Variants in NRF1 observed in about 807,000 individuals in gnomAD.
The protein encoded by NRF1 is alpha palindromic-binding protein.
A neutral mutation model predicts 58.5 loss-of-function variants in NRF1; 5 were observed. The observed-to-expected ratio is 0.09, with a 90% CI of 0.04 to 0.18. The LOEUF (loss-of-function observed/expected upper bound fraction) is 0.18. Among genes scored for constraint, NRF1 ranks in the 10% least tolerant of loss-of-function variants. The pLI, the probability that NRF1 is intolerant of heterozygous loss-of-function variation, is 1.00. For synonymous variants in NRF1, 224 were observed against 246.7 expected (o/e 0.91, Z 0.86); for missense variants, 288 against 657.7 (o/e 0.44, Z 6.15).
intron 3 of NRF1, among the ~76,000 whole-genome samples, chr7:129,671,927 G>A (rs1802057064): frequency 6.6e-6 from 1 of 152,124 alleles, no homozygotes; most frequent in Admixed American, 6.6e-5. Flanking sequence ...GTGGAGTAAG[G>A]AAAATAGAAA....
At chr7:129,646,102 C>T (rs1258236816) in intron 1 of NRF1, among the ~76,000 whole-genome samples, 1 of 152,122 alleles carries the variant, frequency 6.6e-6, no homozygotes, top group African/African-American at 2.4e-5. Flanking sequence ...CACCTGCCTC[C>T]CAAGGTGTTA....
intron 3 of NRF1, among the ~76,000 whole-genome samples, chr7:129,676,579 G>T (rs1802184452): frequency 6.6e-6 from 1 of 152,150 alleles, no homozygotes; most frequent in Non-Finnish European, 1.5e-5. Flanking sequence ...ATCTTTTGTG[G>T]GCACTGTCGT....
At chr7:129,711,430 G>A in intron 7 of NRF1, 45 bp from the exon 8 acceptor site, 2 of 1,431,252 alleles carry the variant, frequency 1.4e-6, no homozygotes, top group Admixed American at 1.9e-5. Context: ...AGAGGTGGAA[G>A]GATCCATCCA....
intron 1 of NRF1, among the ~76,000 whole-genome samples, chr7:129,635,580 G>A (rs1801152646): frequency 6.6e-6 from 1 of 152,186 alleles, no homozygotes; most frequent in Non-Finnish European, 1.5e-5. Flanking sequence ...CTTATCTGGG[G>A]TATGTATCCA....
At chr7:129,648,348 C>T (rs373468686) in intron 1 of NRF1, among the ~76,000 whole-genome samples, 1 of 144,642 alleles carries the variant, frequency 6.9e-6, no homozygotes, top group Non-Finnish European at 1.5e-5. Flanking sequence ...GGCACAATCT[C>T]GGCTCACTGC....
chr7:129,700,794 T>G (rs1461865226), intron 5 of NRF1, among the ~76,000 whole-genome samples: 1 of 152,128 alleles, frequency 6.6e-6, no homozygotes, highest in Non-Finnish European at 1.5e-5. Context: ...GGTGCATCCA[T>G]AGTCCCACCT....
chr7:129,666,590 G>A (rs1278025137), intron 2 of NRF1, among the ~76,000 whole-genome samples: 1 of 152,152 alleles, frequency 6.6e-6, no homozygotes, highest in Admixed American at 6.5e-5. Context: ...GGAGTGCAGT[G>A]GCACGATCTC....
chr7:129,709,600 A>G (rs1282616635), intron 6 of NRF1, among the ~76,000 whole-genome samples: 2 of 152,210 alleles, frequency 1.3e-5, no homozygotes, highest in Non-Finnish European at 2.9e-5. Context: ...AAATGTAAAT[A>G]TGGAATTAGA....
chr7:129,729,331 C>T (rs1329484688), intron 10 of NRF1, among the ~76,000 whole-genome samples: 1 of 152,170 alleles, frequency 6.6e-6, no homozygotes, highest in Non-Finnish European at 1.5e-5. Context: ...CTGGAAGCTG[C>T]CTCTTTTCAG....
chr7:129,630,782 A>G (rs1801030787), intron 1 of NRF1, among the ~76,000 whole-genome samples: 1 of 152,146 alleles, frequency 6.6e-6, no homozygotes, highest in Non-Finnish European at 1.5e-5. Context: ...TTAAAGTGTA[A>G]AATTGGGTGA....
chr7:129,667,950 A>G (rs1314080859), intron 2 of NRF1, among the ~76,000 whole-genome samples: 1 of 151,916 alleles, frequency 6.6e-6, no homozygotes, highest in Non-Finnish European at 1.5e-5. Flanking sequence ...TTTTTTGTAG[A>G]TACGGAGTCT....
At chr7:129,653,856 C>T (rs1030222486) in intron 1 of NRF1, among the ~76,000 whole-genome samples, 2 of 152,104 alleles carry the variant, frequency 1.3e-5, no homozygotes, top group Admixed American at 1.3e-4. Context: ...CTGGATGTAC[C>T]ACAGTTTATC....
intron 10 of NRF1, 71 bp downstream of exon 10, chr7:129,727,436 A>G: frequency 1.3e-6 from 2 of 1,482,306 alleles, no homozygotes; most frequent in East Asian, 2.6e-5. Flanking sequence ...ATGACTGGCA[A>G]CAAAGCCTTC....
At chr7:129,716,708 C>T (rs1372566534) in intron 8 of NRF1, among the ~76,000 whole-genome samples, 1 of 151,618 alleles carries the variant, frequency 6.6e-6, no homozygotes, top group Non-Finnish European at 1.5e-5. Flanking sequence ...CCATCTTTAC[C>T]AAAAATACAA....
chr7:129,669,308 T>C (rs1801993427), intron 2 of NRF1, among the ~76,000 whole-genome samples: 1 of 152,226 alleles, frequency 6.6e-6, no homozygotes, highest in Non-Finnish European at 1.5e-5. Flanking sequence ...CTTGGATTTG[T>C]ATACTTCACT....
chr7:129,711,352 C>T, intron 7 of NRF1, 123 bp from the exon 8 acceptor site: 1 of 625,148 alleles, frequency 1.6e-6, no homozygotes, highest in Non-Finnish European at 2.7e-6. Flanking sequence ...TTAGATTTCA[C>T]ATCATAAGGC....
intron 6 of NRF1, 33 bp from the exon 7 acceptor site, chr7:129,710,341 G>A: frequency 6.2e-7 from 1 of 1,607,070 alleles, no homozygotes; most frequent in South Asian, 1.1e-5. Context: ...GTTCTTTGTG[G>A]CTTAATGTGC....
chr7:129,661,592 A>C lies in NRF1; in HGVS notation c.223+4018A>C, dbSNP rs12674329. ...AGTCTCTTTGCCGAAGCATAACAAG[A>C]GTCACCTTTGCTCCAGTTCCCAACA... On this transcript the variant is annotated intron_variant, in intron 2 of 10. Transcript: ENST00000393232. 6.7e-3 allele frequency among the ~76,000 whole-genome samples: 1,015 copies of C among 151,064 alleles called. 30 individuals carry two copies. The East Asian group carries it at 0.088, about 13-fold the overall frequency.
chr7:129,634,041 AAG>A (rs773668513), intron 1 of NRF1, among the ~76,000 whole-genome samples: 28,630 of 113,162 alleles, frequency 0.25, 3,876 homozygotes, highest in Non-Finnish European at 0.32. Flanking sequence ...AAAAAAAAAA[AAG>A]ATATATATAT....
Sources: allele counts gnomAD v4.1 joint callset (sites outside exome capture counted in the v4.1 genomes callset), GRCh38; gene constraint gnomAD v4.1.1; transcripts MANE v1.5; gene names NCBI Gene and HGNC (gene_info 2026-07-23, HGNC 2026-07-21).